Variants in H2BC12 observed in about 807,000 individuals in gnomAD.
H2BC12 encodes H2B clustered histone 12, also known as histone H2B type 1-K.
Under a neutral mutation model 6.3 loss-of-function variants are expected in H2BC12, and 6 were observed. That is an observed-to-expected ratio of 0.95 (90% CI 0.52 to 1.87). The LOEUF (loss-of-function observed/expected upper bound fraction) is 1.87, where lower values mean the gene tolerates loss of function less well. Among genes scored for constraint, H2BC12 ranks in the 40% most tolerant of loss-of-function variants. The pLI is 0.01. For synonymous variants in H2BC12, 132 were observed against 78.5 expected, an observed-to-expected ratio of 1.68 and a Z score of -3.60; for missense variants, 119 against 178.4, an observed-to-expected ratio of 0.67 and a Z score of 1.90.
At chr6:27,146,132 A>C (rs1760074551), downstream of H2BC12, among the ~76,000 whole-genome samples, 1 of 152,346 alleles carries the variant, frequency 6.6e-6, no homozygotes, top group Non-Finnish European at 1.5e-5. Flanking sequence ...GCCAAGAGCC[A>C]GGAAGCACTT....
chr6:27,139,623 G>A, the H2BC12 span: 14 of 1,604,440 alleles, frequency 8.7e-6, no homozygotes, highest in South Asian at 2.2e-5. Context: ...GCGGCTAAAT[G>A]GCATTTTGAA....
the H2BC12 span, chr6:27,139,386 C>T: frequency 5.0e-6 from 8 of 1,614,136 alleles, no homozygotes; most frequent in African/African-American, 6.7e-5. Flanking sequence ...TGCGCGACAA[C>T]ATCCAGGGTA....
the H2BC12 span, chr6:27,139,771 C>T: frequency 7.7e-7 from 1 of 1,291,626 alleles, no homozygotes; most frequent in Non-Finnish European, 1.0e-6. Context: ...ATTAACTCGA[C>T]GCCGAAAATG....
At chr6:27,140,063 G>A in the H2BC12 span, among the ~76,000 whole-genome samples, 1 of 152,044 alleles carries the variant, frequency 6.6e-6, no homozygotes, top group Non-Finnish European at 1.5e-5. Context: ...AAGAGGACTT[G>A]GCGGGCACAG....
chr6:27,146,744 C>G lies in H2BC12; in HGVS notation c.55G>C (p.Val19Leu). Residue 19 changes from valine (V) to leucine (L), a missense_variant, in exon 1 of 1, where the codon GTG (valine) becomes CTG (leucine). By Grantham distance (32) the Val-to-Leu change is conservative. This residue lies in a region of H2BC12 where 50 missense variants were observed against 37.4 expected (regional missense o/e 1.34). Coordinates refer to ENST00000356950, the MANE Select transcript of H2BC12 (RefSeq NM_001312653.2). ...CCGTCCTTCTTCTGCGCCTTAGTCA[C>G]GGCTTTCTTCGAGCCCTTCTTGGGC... is the stretch of plus-strand genomic sequence containing the variant. ...PAPKKGSKKA[V>L]TKAQKKDGKK... 2 of 1,614,252 alleles carry G rather than the reference C, an allele frequency of 1.2e-6. No individual in the cohort carries two copies. The highest frequency in any genetic ancestry group is 1.7e-6 in the Non-Finnish European group (2 of 1,180,042).
the H2BC12 span, chr6:27,139,114 G>C: frequency 1.9e-6 from 1 of 529,594 alleles, no homozygotes; most frequent in African/African-American, 1.9e-5. Context: ...CCTAGGTCTT[G>C]AGGATTAAAA....
At position 27,146,484 on chromosome 6, in the gene H2BC12, C is replaced by T. The variant is rs377124176; in HGVS notation, c.315G>A (p.Gly105=). 53 of 1,614,132 alleles carry T rather than the reference C, an allele frequency of 3.3e-5. 1 individual carries two copies. In the Admixed American group the frequency reaches 4.5e-4, roughly 14 times the overall value. ...IQTAVRLLLP[G]ELAKHAVSEG... is the part of the protein sequence containing the mutation. The stretch of plus-strand genomic sequence containing the variant: ...CGGACACGGCGTGCTTGGCCAACTC[C>T]CCGGGCAGCAGCAGGCGCACGGCCG... Residue 105 remains glycine, a synonymous_variant, in exon 1 of 1, where the codon GGG becomes GGA. Coordinates refer to ENST00000356950, the MANE Select transcript of H2BC12 (RefSeq NM_001312653.2).
downstream of H2BC12, among the ~76,000 whole-genome samples, chr6:27,141,923 A>G (rs557729445): frequency 1.3e-5 from 2 of 152,184 alleles, no homozygotes; most frequent in Non-Finnish European, 2.9e-5. Flanking sequence ...CTAGCCATGC[A>G]TGGAGTTTGA....
chr6:27,146,826 G>T lies in H2BC12; in HGVS notation c.-28C>A, dbSNP rs746393002. 6.2e-6 allele frequency: 10 copies of T among 1,607,274 alleles called. No homozygotes were observed. The highest frequency in any genetic ancestry group is 3.3e-5 in the South Asian group (3 of 90,572). On this transcript the variant is annotated 5_prime_UTR_variant, in exon 1 of 1. Coordinates refer to ENST00000356950, the MANE Select transcript of H2BC12 (RefSeq NM_001312653.2). ...TGAAGGCGAACTACGAGCCTGAGAC[G>T]AGCAGCAGATCGAGAAAACGGGAAG...
chr6:27,139,269 C>T, the H2BC12 span: 4 of 1,541,500 alleles, frequency 2.6e-6, no homozygotes, highest in Non-Finnish European at 3.5e-6. Flanking sequence ...AGAAAGCTGC[C>T]ATCACAGGCA....
At chr6:27,143,576 G>A (rs1760033326), downstream of H2BC12, among the ~76,000 whole-genome samples, 1 of 150,470 alleles carries the variant, frequency 6.6e-6, no homozygotes, top group South Asian at 2.1e-4. Flanking sequence ...ATTTTCTTAG[G>A]TCCACTGACC....
chr6:27,145,195 C>A (rs1330313869), downstream of H2BC12, among the ~76,000 whole-genome samples: 2 of 151,966 alleles, frequency 1.3e-5, no homozygotes, highest in Non-Finnish European at 2.9e-5. Flanking sequence ...ATATGCTTTG[C>A]ATGTATGAAG....
At chr6:27,143,604 T>C (rs145745218), downstream of H2BC12, among the ~76,000 whole-genome samples, 741 of 151,008 alleles carry the variant, frequency 4.9e-3, 6 homozygotes, top group Non-Finnish European at 8.3e-3. Flanking sequence ...TTCCAACTTC[T>C]AGACTTAAAG....
downstream of H2BC12, among the ~76,000 whole-genome samples, chr6:27,143,427 T>C (rs1760031865): frequency 6.6e-6 from 1 of 152,130 alleles, no homozygotes; most frequent in African/African-American, 2.4e-5. Context: ...ACTGTACTTA[T>C]ACCTCAGGTA....
At chr6:27,140,049 G>A in the H2BC12 span, among the ~76,000 whole-genome samples, 100 of 152,066 alleles carry the variant, frequency 6.6e-4, no homozygotes, top group African/African-American at 2.2e-3. Flanking sequence ...GTGGTGGCTG[G>A]TTTAAGAGGA....
the H2BC12 span, chr6:27,139,178 A>T: frequency 1.0e-6 from 1 of 960,270 alleles, no homozygotes; most frequent in Non-Finnish European, 1.5e-6. Context: ...TTTCCCTTTT[A>T]GGTCCCCTCC....
At chr6:27,140,023 C>CTA in the H2BC12 span, 10 of 176,734 alleles carry the variant, frequency 5.7e-5, no homozygotes, top group Non-Finnish European at 1.2e-4. Flanking sequence ...AATGCTAGAA[C>CTA]CTCCAGGAAA....
the H2BC12 span, among the ~76,000 whole-genome samples, chr6:27,138,355 A>G: frequency 2.0e-5 from 3 of 152,006 alleles, no homozygotes; most frequent in African/African-American, 7.2e-5. Context: ...TATTACCCCA[A>G]CCCCCCAGTG....
At chr6:27,145,814 C>G (rs534794585), downstream of H2BC12, among the ~76,000 whole-genome samples, 1 of 152,264 alleles carries the variant, frequency 6.6e-6, no homozygotes, top group East Asian at 1.9e-4. Context: ...CTCCCCTTAC[C>G]CTTGCAGACT....
Sources: gnomAD v4.1 joint callset for allele counts (sites outside exome capture counted in the v4.1 genomes callset) on GRCh38, gnomAD v4.1.1 for gene constraint, gnomAD v4.1.1 regional missense constraint, MANE v1.5 for transcripts, NCBI Gene and HGNC (gene_info 2026-07-23, HGNC 2026-07-21) for gene names.